The following ADK variants were observed in gnomAD, a reference collection of about 807,000 sequenced individuals.
The protein encoded by ADK is N6,N6-dimethyladenosine kinase.
ADK carries 24 observed loss-of-function variants against 44.7 expected under a neutral mutation model. That is an observed-to-expected ratio of 0.54 (90% CI 0.39 to 0.76). The LOEUF is 0.76. ADK is among the 30% of genes least tolerant of loss of function. The probability of loss-of-function intolerance (pLI) is 0.00; values close to 1 mark genes in which losing one functional copy is unlikely to be tolerated. For synonymous variants in ADK, 128 were observed against 142.6 expected (o/e 0.90, Z 0.73); for missense variants, 321 against 425.1 (o/e 0.76, Z 2.15).
intron 10 of ADK, among the ~76,000 whole-genome samples, chr10:74,682,717 G>C (rs1286275783): frequency 6.6e-6 from 1 of 151,866 alleles, no homozygotes; most frequent in South Asian, 2.1e-4. Context: ...GGGACTACAG[G>C]TGTGCACCAC....
intron 4 of ADK, among the ~76,000 whole-genome samples, chr10:74,386,193 C>T (rs1843135604): frequency 1.3e-5 from 2 of 152,102 alleles, no homozygotes; most frequent in South Asian, 4.1e-4. Flanking sequence ...TGCTGTTTCT[C>T]AGTTTTGACA....
chr10:74,267,152 A>G (rs1416141376), intron 3 of ADK, among the ~76,000 whole-genome samples: 1 of 152,232 alleles, frequency 6.6e-6, no homozygotes, highest in African/African-American at 2.4e-5. Context: ...ATGCAAATAC[A>G]GTTGACCCTC....
intron 3 of ADK, among the ~76,000 whole-genome samples, chr10:74,282,634 G>C (rs1846985969): frequency 6.6e-6 from 1 of 152,154 alleles, no homozygotes; most frequent in Non-Finnish European, 1.5e-5. Flanking sequence ...TAACCATGAT[G>C]ATGAGAACAC....
chr10:74,373,575 A>G (rs1564683123), intron 4 of ADK, among the ~76,000 whole-genome samples: 1 of 152,212 alleles, frequency 6.6e-6, no homozygotes, highest in Non-Finnish European at 1.5e-5. Flanking sequence ...GATGCTCAAC[A>G]TAATTAGCTA....
chr10:74,596,557 T>C (rs1009201074), intron 8 of ADK, among the ~76,000 whole-genome samples: 1 of 152,008 alleles, frequency 6.6e-6, no homozygotes, highest in Non-Finnish European at 1.5e-5. Flanking sequence ...CTCTCTTTTT[T>C]TTTTTTGAGA....
At chr10:74,201,319 A>G (rs1322692209) in intron 2 of ADK, among the ~76,000 whole-genome samples, 2 of 152,166 alleles carry the variant, frequency 1.3e-5, no homozygotes, top group East Asian at 1.9e-4. Context: ...GTAACTTCCA[A>G]TGTTTCAACT....
intron 4 of ADK, among the ~76,000 whole-genome samples, chr10:74,333,114 A>G (rs1841277756): frequency 6.6e-6 from 1 of 152,222 alleles, no homozygotes; most frequent in Non-Finnish European, 1.5e-5. Context: ...AAAAAATGAG[A>G]TGACAAATCA....
chr10:74,658,313 T>C (rs1010860405), intron 9 of ADK, among the ~76,000 whole-genome samples: 2 of 152,226 alleles, frequency 1.3e-5, no homozygotes, highest in African/African-American at 4.8e-5. Flanking sequence ...TTTTGTGCCC[T>C]GAGCCCTAGC....
At chr10:74,157,371 A>G (rs1051513365) in intron 1 of ADK, among the ~76,000 whole-genome samples, 2 of 151,982 alleles carry the variant, frequency 1.3e-5, no homozygotes, top group African/African-American at 4.9e-5. Flanking sequence ...AGTATTTTAA[A>G]GATCCTTAAA....
At chr10:74,660,603 G>A (rs551378235) in intron 9 of ADK, among the ~76,000 whole-genome samples, 10 of 151,728 alleles carry the variant, frequency 6.6e-5, no homozygotes, top group African/African-American at 2.4e-4. Context: ...GGTGGCATGC[G>A]CCTGTAATCC....
chr10:74,212,254 A>C (rs1339330716), intron 2 of ADK, among the ~76,000 whole-genome samples: 1 of 152,232 alleles, frequency 6.6e-6, no homozygotes, highest in Non-Finnish European at 1.5e-5. Flanking sequence ...ATATTGAAGG[A>C]AATGGTACTT....
intron 10 of ADK, among the ~76,000 whole-genome samples, chr10:74,691,506 T>G (rs1855988167): frequency 6.6e-6 from 1 of 151,960 alleles, no homozygotes; most frequent in African/African-American, 2.4e-5. Flanking sequence ...TGAGCAAGGG[T>G]GGGGTGAGGG....
intron 2 of ADK, among the ~76,000 whole-genome samples, chr10:74,205,451 G>A (rs1358804035): frequency 1.3e-5 from 2 of 152,130 alleles, no homozygotes; most frequent in African/African-American, 4.8e-5. Flanking sequence ...TGAGGTGGAT[G>A]GATCACTTGA....
rs1842626707 is a variant in ADK, at chr10:74,370,537, T to C, written c.274-23604T>C. The stretch of plus-strand genomic sequence containing the variant: ...TTCCTTGTTAAATACATTTGACTAC[T>C]AACTTAATGTTTTCAGTTAGCCCTC... On this transcript the variant is annotated intron_variant, in intron 4 of 10. Coordinates refer to ENST00000539909, the MANE Select transcript of ADK (RefSeq NM_006721.4). 3.3e-5 allele frequency among the ~76,000 whole-genome samples: 5 copies of C among 152,324 alleles called. No individual in the cohort carries two copies. In the South Asian group the frequency reaches 1.0e-3, roughly 32 times the overall value.
chr10:74,470,111 G>A (rs1042961898), intron 6 of ADK, among the ~76,000 whole-genome samples: 9 of 146,436 alleles, frequency 6.1e-5, no homozygotes, highest in Non-Finnish European at 1.3e-4. Flanking sequence ...TGCAACCTCT[G>A]CCTCCTGGAT....
At chr10:74,218,965 G>A (rs749006030) in intron 2 of ADK, among the ~76,000 whole-genome samples, 2,892 of 151,974 alleles carry the variant, frequency 0.019, 41 homozygotes, top group Non-Finnish European at 0.025. Context: ...ATCAACTAAC[G>A]AGCAAAATAA....
chr10:74,670,031 T>C (rs1855111930), intron 9 of ADK, 152 bp from the exon 10 acceptor site: 9 of 687,792 alleles, frequency 1.3e-5, no homozygotes, highest in South Asian at 4.9e-5. Flanking sequence ...TTTTGCACCT[T>C]AGTTCCCAAG....
At chr10:74,567,395 A>G (rs1283643949) in intron 7 of ADK, among the ~76,000 whole-genome samples, 1 of 152,176 alleles carries the variant, frequency 6.6e-6, no homozygotes, top group Non-Finnish European at 1.5e-5. Flanking sequence ...ACCATAATAT[A>G]TCTCACCCCT....
intron 3 of ADK, among the ~76,000 whole-genome samples, chr10:74,245,597 T>TG (rs1200749488): frequency 6.6e-6 from 1 of 150,480 alleles, no homozygotes; most frequent in Non-Finnish European, 1.5e-5. Flanking sequence ...TGTTTTTGTT[T>TG]TTTTTTTTTT....
Sources: allele counts gnomAD v4.1 joint callset (sites outside exome capture counted in the v4.1 genomes callset), GRCh38; gene constraint gnomAD v4.1.1; transcripts MANE v1.5; gene names NCBI Gene and HGNC (gene_info 2026-07-23, HGNC 2026-07-21).